CELF2: variants seen among roughly 807,000 people sequenced by gnomAD.
CELF2 encodes the protein CUGBP Elav-like family member 2.
Under a neutral mutation model 62.6 loss-of-function variants are expected in CELF2, and 8 were observed. The observed-to-expected ratio is 0.13, with a 90% confidence interval of 0.07 to 0.23. The LOEUF is 0.23. Ranked by LOEUF, CELF2 falls within the 10% of genes least tolerant of loss-of-function variation. CELF2 has a pLI of 1.00. For missense variants in CELF2, 333 were observed against 671.0 expected (o/e 0.50, Z 5.56); for synonymous variants, 258 against 250.0 (o/e 1.03, Z -0.30).
rs1388454521 is a variant in CELF2 at position 11,311,294 on chromosome 10, A to G, written c.977-2845A>G. ...TTGTATCTGAGTGGCCAAAAATCCT[A>G]AGCCATGAAGTTAAAGTATCCCCAG... is the stretch of plus-strand genomic sequence containing the variant. On this transcript the variant is annotated intron_variant, in intron 9 of 12. Transcript: ENST00000633077. This position sits in a 1 kb window ranked among gnomAD's most constrained non-coding sequence, Gnocchi z 4.7. Among the ~76,000 whole-genome samples, 1 of 152,218 alleles carries G rather than the reference A, an allele frequency of 6.6e-6. No homozygotes were observed. The highest frequency in any genetic ancestry group is 2.4e-5 in the African/African-American group (1 of 41,452).
the CELF2 span, among the ~76,000 whole-genome samples, chr10:10,479,969 T>A: frequency 6.6e-6 from 1 of 152,208 alleles, no homozygotes; most frequent in Non-Finnish European, 1.5e-5. Flanking sequence ...TTTAGCCTGA[T>A]CATTTCTCAG....
At chr10:11,055,411 A>G (rs1168192388) in intron 1 of CELF2, among the ~76,000 whole-genome samples, 1 of 152,222 alleles carries the variant, frequency 6.6e-6, no homozygotes, top group Non-Finnish European at 1.5e-5. Flanking sequence ...GAGAAAGAAT[A>G]ATAAAGGGAA....
chr10:10,617,330 A>T, the CELF2 span, among the ~76,000 whole-genome samples: 1 of 152,176 alleles, frequency 6.6e-6, no homozygotes, highest in Non-Finnish European at 1.5e-5. Flanking sequence ...TCACAATACC[A>T]CATTGTGAAC....
chr10:11,120,334 T>C (rs534850587), intron 1 of CELF2, among the ~76,000 whole-genome samples: 2 of 152,190 alleles, frequency 1.3e-5, no homozygotes, highest in Non-Finnish European at 2.9e-5. Context: ...CCATTCCCTG[T>C]GCTCCTTCCC....
the CELF2 span, among the ~76,000 whole-genome samples, chr10:10,767,007 G>C: frequency 6.6e-6 from 1 of 152,162 alleles, no homozygotes; most frequent in African/African-American, 2.4e-5. Context: ...CAATGGAACA[G>C]GAACAGGTGA....
intron 1 of CELF2, among the ~76,000 whole-genome samples, chr10:10,915,276 A>ATT (rs1262321558): frequency 6.6e-6 from 1 of 152,228 alleles, no homozygotes; most frequent in African/African-American, 2.4e-5. Flanking sequence ...TTAAAAAATG[A>ATT]ACTTAAGAGA....
At chr10:10,657,336 A>G in the CELF2 span, among the ~76,000 whole-genome samples, 2 of 152,116 alleles carry the variant, frequency 1.3e-5, no homozygotes, top group African/African-American at 4.8e-5. Flanking sequence ...CTAAAATTAG[A>G]CTGTGGTGAT....
the CELF2 span, among the ~76,000 whole-genome samples, chr10:10,595,560 T>G: frequency 6.6e-6 from 1 of 152,204 alleles, no homozygotes; most frequent in South Asian, 2.1e-4. Context: ...ACTACTGGTG[T>G]GCCATGTCGG....
the CELF2 span, among the ~76,000 whole-genome samples, chr10:10,605,635 G>A: frequency 2.4e-4 from 37 of 152,142 alleles, no homozygotes; most frequent in Non-Finnish European, 4.3e-4. Flanking sequence ...ACTGGGCCTC[G>A]CCCTGGCCAA....
chr10:10,749,860 T>C, the CELF2 span, among the ~76,000 whole-genome samples: 1 of 152,264 alleles, frequency 6.6e-6, no homozygotes, highest in African/African-American at 2.4e-5. Context: ...CCAATCTGAC[T>C]GTTCTAAATT....
At chr10:10,497,592 T>C in the CELF2 span, among the ~76,000 whole-genome samples, 1 of 152,024 alleles carries the variant, frequency 6.6e-6, no homozygotes, top group Admixed American at 6.6e-5. Context: ...TGAGGGTTTT[T>C]AGTGTCTAGA....
chr10:11,060,573 T>C (rs2066479568), intron 1 of CELF2, among the ~76,000 whole-genome samples: 1 of 152,220 alleles, frequency 6.6e-6, no homozygotes, highest in South Asian at 2.1e-4. Flanking sequence ...TGCTTGGAGA[T>C]AGAATACAGG....
At chr10:10,664,276 T>A in the CELF2 span, among the ~76,000 whole-genome samples, 1 of 152,190 alleles carries the variant, frequency 6.6e-6, no homozygotes, top group Non-Finnish European at 1.5e-5. Flanking sequence ...CACTACTCAG[T>A]TCAAATATTC....
upstream of CELF2, among the ~76,000 whole-genome samples, chr10:10,793,471 T>A (rs963696351): frequency 2.0e-5 from 3 of 152,032 alleles, no homozygotes; most frequent in Non-Finnish European, 2.9e-5. Context: ...ACAAACAAAA[T>A]AAGAAAACAT....
intron 5 of CELF2, among the ~76,000 whole-genome samples, chr10:11,258,368 G>A (rs1007272745): frequency 2.6e-5 from 4 of 152,164 alleles, no homozygotes; most frequent in Admixed American, 6.5e-5. Flanking sequence ...GCCTGTATTG[G>A]GGTATTAGAG....
chr10:10,851,050 T>C (rs1212821536), intron 1 of CELF2, among the ~76,000 whole-genome samples: 1 of 152,088 alleles, frequency 6.6e-6, no homozygotes, highest in East Asian at 1.9e-4. Context: ...AAGTGATCCA[T>C]CTGCCTTGGC....
chr10:10,602,239 A>T, the CELF2 span, among the ~76,000 whole-genome samples: 2 of 152,010 alleles, frequency 1.3e-5, no homozygotes, highest in African/African-American at 4.8e-5. Context: ...CTTTCTTCCT[A>T]TGAGTGGCAG....
the CELF2 span, among the ~76,000 whole-genome samples, chr10:10,708,194 TCATTGCACTGGCCTAGTC>T: frequency 1.3e-5 from 2 of 152,170 alleles, no homozygotes; most frequent in Non-Finnish European, 2.9e-5. Flanking sequence ...GCACAGTATT[TCATTGCACTGGCCTAGTC>T]CACAAGCTCA....
At chr10:10,965,504 G>A (rs1224418442) in intron 2 of CELF2, among the ~76,000 whole-genome samples, 2 of 152,160 alleles carry the variant, frequency 1.3e-5, no homozygotes, top group Non-Finnish European at 2.9e-5. Context: ...TCAATTCTGG[G>A]CCTGAACCCC....
Sources: gnomAD v4.1 joint callset for allele counts (sites outside exome capture counted in the v4.1 genomes callset) on GRCh38, gnomAD v4.1.1 for gene constraint, Gnocchi (gnomAD v3.1) non-coding constraint, MANE v1.5 for transcripts, NCBI Gene and HGNC (gene_info 2026-07-23, HGNC 2026-07-21) for gene names.